Variants in KALRN observed in about 807,000 individuals in gnomAD.
KALRN encodes the protein kalirin.
KALRN carries 70 observed loss-of-function variants against 353.7 expected under a neutral mutation model. That is an observed-to-expected ratio of 0.20 (90% CI 0.16 to 0.24). The LOEUF (loss-of-function observed/expected upper bound fraction) is 0.24, where lower values mean the gene tolerates loss of function less well. KALRN is among the 10% of genes least tolerant of loss of function. KALRN has a pLI of 1.00. For missense variants in KALRN, 2,791 were observed against 3,756.7 expected (o/e 0.74, Z 6.72); for synonymous variants, 1,391 against 1,434.8 (o/e 0.97, Z 0.69).
At chr3:124,367,505 G>A (rs1172647928) in intron 10 of KALRN, among the ~76,000 whole-genome samples, 4 of 97,834 alleles carry the variant, frequency 4.1e-5, no homozygotes, top group South Asian at 3.8e-4. Flanking sequence ...CTGGCCGGGC[G>A]GGGGGGCTGA....
At chr3:124,455,129 C>T in intron 21 of KALRN, 48 bp from the exon 22 acceptor site, 1 of 1,597,786 alleles carries the variant, frequency 6.3e-7, no homozygotes, top group Non-Finnish European at 8.6e-7. Flanking sequence ...GGTGAAGGGG[C>T]AGGAGAATAA....
intron 1 of KALRN, among the ~76,000 whole-genome samples, chr3:124,218,558 C>T (rs2077569917): frequency 6.6e-6 from 1 of 152,216 alleles, no homozygotes. Context: ...CTACCACTAT[C>T]ACCACTACCT....
At chr3:124,440,620 A>G (rs2093636803) in intron 18 of KALRN, among the ~76,000 whole-genome samples, 1 of 150,730 alleles carries the variant, frequency 6.6e-6, no homozygotes, top group African/African-American at 2.4e-5. Flanking sequence ...TATTAATTAT[A>G]TAATAATTTT....
At position 124,110,463 on chromosome 3, in the gene KALRN, A is replaced by G. The variant is rs1034879772; in HGVS notation, c.73+76650A>G. Among the ~76,000 whole-genome samples the G allele has an allele frequency of 5.2e-4, 29 of 56,080 alleles. 1 individual carries two copies. Among genetic ancestry groups the G allele is most frequent in the Middle Eastern group, 9.1e-3 (1 of 110 alleles). 36.8% of individuals were successfully genotyped at this position (56,080 alleles called of 152,430 possible). On this transcript the variant is annotated intron_variant, in intron 1 of 59. Coordinates refer to ENST00000682506, the MANE Select transcript of KALRN (RefSeq NM_001388419.1). ...ATATGTATATATTTCATATATACAC[A>G]CGCGCGCACACACACACACACACAC...
intron 1 of KALRN, among the ~76,000 whole-genome samples, chr3:124,130,983 T>C: frequency 6.6e-6 from 1 of 152,186 alleles, no homozygotes; most frequent in Admixed American, 6.5e-5. Flanking sequence ...GAGGGAGCCT[T>C]CTGGGTAGCT....
Position 124,724,746 on chromosome 3 carries a change from A to G in KALRN, c.*5276A>G, listed in dbSNP as rs1194923224. The G allele has an allele frequency of 3.9e-5, 6 of 152,158 alleles. No individual in the cohort carries two copies. The highest frequency in any genetic ancestry group is 8.8e-5 in the Non-Finnish European group (6 of 67,992). 9.4% of individuals were successfully genotyped at this position (152,158 alleles called of 1,614,324 possible). ...CAGATTATCATAAAACATATTTTCTATGAAAGGCATTTCTTCCTCATCTTC... is the reference window on the plus strand; with the variant it reads ...CAGATTATCATAAAACATATTTTCTGTGAAAGGCATTTCTTCCTCATCTTC... On this transcript the variant is annotated 3_prime_UTR_variant, in exon 60 of 60. Coordinates refer to ENST00000682506, the MANE Select transcript of KALRN (RefSeq NM_001388419.1).
At chr3:124,093,243 A>G (rs79024407) in intron 1 of KALRN, among the ~76,000 whole-genome samples, 2,320 of 152,346 alleles carry the variant, frequency 0.015, 59 homozygotes, top group African/African-American at 0.052. Flanking sequence ...GTTCCAAGGA[A>G]GAGCTGGTGC....
chr3:124,137,095 G>A (rs1319356610), intron 1 of KALRN, among the ~76,000 whole-genome samples: 1 of 152,132 alleles, frequency 6.6e-6, no homozygotes, highest in Non-Finnish European at 1.5e-5. Flanking sequence ...TATAGCAGAG[G>A]ACATGGGGAG....
intron 57 of KALRN, among the ~76,000 whole-genome samples, chr3:124,709,590 T>C (rs1418505083): frequency 6.6e-6 from 1 of 152,134 alleles, no homozygotes; most frequent in African/African-American, 2.4e-5. Context: ...AAAACCTTAA[T>C]AGAAGTGTGG....
chr3:124,253,145 G>A (rs2071417839), intron 3 of KALRN, among the ~76,000 whole-genome samples: 1 of 152,194 alleles, frequency 6.6e-6, no homozygotes, highest in Non-Finnish European at 1.5e-5. Context: ...ATAGCCCTGA[G>A]GAGCAGAAAG....
intron 6 of KALRN, among the ~76,000 whole-genome samples, chr3:124,312,703 T>C (rs2078394669): frequency 6.6e-6 from 1 of 152,250 alleles, no homozygotes; most frequent in Non-Finnish European, 1.5e-5. Flanking sequence ...CAACAAACTT[T>C]TGCTGTCTGT....
At chr3:124,551,487 A>C in intron 33 of KALRN, among the ~76,000 whole-genome samples, 1 of 152,276 alleles carries the variant, frequency 6.6e-6, no homozygotes, top group Middle Eastern at 3.4e-3. Context: ...AGATGGGCTC[A>C]TGTTGGTGGT....
intron 11 of KALRN, among the ~76,000 whole-genome samples, chr3:124,392,172 C>T (rs2150027974): frequency 6.6e-6 from 1 of 152,270 alleles, no homozygotes; most frequent in East Asian, 1.9e-4. Flanking sequence ...GCCTCAGCCT[C>T]CTAAGTAGCT....
intron 29 of KALRN, among the ~76,000 whole-genome samples, chr3:124,490,222 C>CA (rs1206072167): frequency 1.3e-4 from 20 of 151,034 alleles, no homozygotes; most frequent in Admixed American, 5.3e-4. Context: ...CATGCCACTG[C>CA]AAAAAAAATA....
rs897030881 is a variant in KALRN at position 124,343,802 on chromosome 3, C to G, written c.1648-3341C>G. 4.8e-4 allele frequency among the ~76,000 whole-genome samples: 73 copies of G among 152,214 alleles called. 1 individual carries two copies. The highest frequency in any genetic ancestry group is 1.7e-3 in the African/African-American group (69 of 41,444). ...GAATTGTGTGATTTAGTGTCTAGTG[C>G]TTGTTACCCCTATAGACTGAGTTCT... On this transcript the variant is annotated intron_variant, in intron 9 of 59. Transcript: ENST00000682506.
intron 28 of KALRN, among the ~76,000 whole-genome samples, chr3:124,487,109 G>A (rs526177): frequency 0.021 from 3,244 of 152,258 alleles, 53 homozygotes; most frequent in Non-Finnish European, 0.034. Context: ...CTGCCCCCTC[G>A]AGGAGAGAGT....
chr3:124,143,451 G>A (rs780888256), intron 1 of KALRN, among the ~76,000 whole-genome samples: 3 of 152,170 alleles, frequency 2.0e-5, no homozygotes, highest in African/African-American at 4.8e-5. Flanking sequence ...GAAGATGGAC[G>A]TCTGTGAGCT....
chr3:124,148,221 A>G (rs1363855343), intron 1 of KALRN, among the ~76,000 whole-genome samples: 1 of 152,122 alleles, frequency 6.6e-6, no homozygotes, highest in Admixed American at 6.5e-5. Flanking sequence ...TGTTTTTAGT[A>G]CTAGATCAGA....
At chr3:124,519,557 G>T in intron 33 of KALRN, 2 of 985,340 alleles carry the variant, frequency 2.0e-6, no homozygotes, top group Non-Finnish European at 2.4e-6. Context: ...GCTGGGTTAT[G>T]GGGGAGGGCA....
Sources: gnomAD v4.1 joint callset for allele counts (sites outside exome capture counted in the v4.1 genomes callset) on GRCh38, gnomAD v4.1.1 for gene constraint, MANE v1.5 for transcripts, NCBI Gene and HGNC (gene_info 2026-07-23, HGNC 2026-07-21) for gene names.